ENAH: variants seen among roughly 807,000 people sequenced by gnomAD.
ENAH encodes ENAH actin regulator.
Under a neutral mutation model 78.7 loss-of-function variants are expected in ENAH, and 23 were observed. That is an observed-to-expected ratio of 0.29 (90% CI 0.21 to 0.41). The LOEUF (loss-of-function observed/expected upper bound fraction) is 0.41, where lower values mean the gene tolerates loss of function less well. Ranked by LOEUF, ENAH falls within the 10% of genes least tolerant of loss-of-function variation. The pLI, the probability that ENAH is intolerant of heterozygous loss-of-function variation, is 1.00. For synonymous variants in ENAH, 226 were observed against 241.0 expected, an observed-to-expected ratio of 0.94 and a Z score of 0.58; for missense variants, 544 against 691.0, an observed-to-expected ratio of 0.79 and a Z score of 2.39.
chr1:225,506,308 C>T (rs948748060), intron 11 of ENAH, among the ~76,000 whole-genome samples: 31 of 152,202 alleles, frequency 2.0e-4, no homozygotes, highest in African/African-American at 7.2e-4. Flanking sequence ...GTGTCTCAGC[C>T]TCCCAAGTAG....
chr1:225,514,915 T>C lies in ENAH; in HGVS notation c.914-15A>G. 1 of 1,602,910 alleles carries C rather than the reference T, an allele frequency of 6.2e-7. No individual in the cohort carries two copies. Among genetic ancestry groups the C allele is most frequent in the Non-Finnish European group, 8.5e-7 (1 of 1,173,456 alleles). On this transcript the variant is annotated splice_polypyrimidine_tract_variant and intron_variant, in intron 6 of 13. Coordinates refer to ENST00000366843, the MANE Select transcript of ENAH (RefSeq NM_018212.6). Reference sequence around the variant, plus strand: ...CAAGACAATGCCTGAGAGAGAGAAATGTTAAGTAAGACCATCAACAATAGA... The same window carrying C: ...CAAGACAATGCCTGAGAGAGAGAAACGTTAAGTAAGACCATCAACAATAGA...
At position 225,497,652 on chromosome 1, in the gene ENAH, T is replaced by C. The variant is rs571009314; in HGVS notation, c.*123A>G. 4.6e-5 allele frequency: 43 copies of C among 941,336 alleles called. No homozygotes were observed. Among genetic ancestry groups the C allele is most frequent in the Non-Finnish European group, 6.7e-5 (43 of 640,924 alleles). The allele number at this position is 941,336 out of a possible 1,614,324, so 58.3% of individuals were successfully genotyped here. A position where few individuals can be genotyped will look rare whatever the true frequency, so the allele number is the denominator to read the frequency against. ...TCAGAGTAGGTTGGTTTTTCCCTCCTTCTGTTTGTCTCCATTTTCTTCTTA... is the reference window on the plus strand; with the variant it reads ...TCAGAGTAGGTTGGTTTTTCCCTCCCTCTGTTTGTCTCCATTTTCTTCTTA... On this transcript the variant is annotated 3_prime_UTR_variant, in exon 14 of 14. Coordinates refer to ENST00000366843, the MANE Select transcript of ENAH (RefSeq NM_018212.6).
rs115241813 is a variant in ENAH, at chr1:225,590,999, T to A, written c.6-23585A>T. Reference sequence around the variant, plus strand: ...TACATTTACTTTTCCATTGGCTTCATTGGTCTTATTTTCAGGTGAACTATT... The same window carrying A: ...TACATTTACTTTTCCATTGGCTTCAATGGTCTTATTTTCAGGTGAACTATT... On this transcript the variant is annotated intron_variant, in intron 1 of 13. Transcript: ENST00000366843. 1.9e-3 allele frequency among the ~76,000 whole-genome samples: 292 copies of A among 152,372 alleles called. 1 individual carries two copies. The highest frequency in any genetic ancestry group is 6.7e-3 in the African/African-American group (279 of 41,592).
chr1:225,544,181 C>A (rs1575471554), intron 3 of ENAH, among the ~76,000 whole-genome samples: 2 of 152,338 alleles, frequency 1.3e-5, no homozygotes, highest in South Asian at 4.1e-4. Flanking sequence ...ATGTTCCACA[C>A]AGAGGTATCA....
At chr1:225,503,666 A>AAAAC (rs1459547447) in intron 11 of ENAH, among the ~76,000 whole-genome samples, 1 of 149,882 alleles carries the variant, frequency 6.7e-6, no homozygotes, top group African/African-American at 2.4e-5. Context: ...CTCAAAAAAA[A>AAAAC]AAAAAAAAAA....
intron 3 of ENAH, among the ~76,000 whole-genome samples, chr1:225,541,896 T>G (rs2096590922): frequency 6.6e-6 from 1 of 152,164 alleles, no homozygotes; most frequent in Non-Finnish European, 1.5e-5. Context: ...TTTGTTTTGT[T>G]TTGAGGCAGG....
chr1:225,605,779 A>T (rs1374947574), intron 1 of ENAH, among the ~76,000 whole-genome samples: 1 of 152,176 alleles, frequency 6.6e-6, no homozygotes, highest in Admixed American at 6.5e-5. Context: ...TGGTGCCCTT[A>T]TAAGAAGATT....
At position 225,602,497 on chromosome 1, in the gene ENAH, A is replaced by C. The variant is rs78086508; in HGVS notation, c.6-35083T>G. 3.0e-4 allele frequency among the ~76,000 whole-genome samples: 45 copies of C among 152,306 alleles called. 2 individuals carry two copies. In the East Asian group the frequency reaches 8.5e-3, roughly 29 times the overall value. ...TTGTTAATTATTAAAGGCTAAAAGA[A>C]AAAACTCAGGTGGTTATCTTGATAG... On this transcript the variant is annotated intron_variant, in intron 1 of 13. Transcript: ENST00000366843.
intron 3 of ENAH, among the ~76,000 whole-genome samples, chr1:225,538,904 AG>A: frequency 6.6e-6 from 1 of 152,344 alleles, no homozygotes; most frequent in Admixed American, 6.5e-5. Flanking sequence ...ATGCCTCCAA[AG>A]GCAAGAGTAA....
chr1:225,650,350 T>C (rs1662732705), intron 1 of ENAH, among the ~76,000 whole-genome samples: 1 of 152,192 alleles, frequency 6.6e-6, no homozygotes, highest in Non-Finnish European at 1.5e-5. Flanking sequence ...TCTCTACACT[T>C]CATAAGGAAC....
chr1:225,618,627 A>T lies in ENAH; in HGVS notation c.5+34059T>A, dbSNP rs1001715792. On this transcript the variant is annotated intron_variant, in intron 1 of 13. Coordinates refer to ENST00000366843, the MANE Select transcript of ENAH (RefSeq NM_018212.6). ...CAAATCTATCAAGTGCCTACCTACC[A>T]GTCTTTCTTGTTTTCCTCTGAAATA... Among the ~76,000 whole-genome samples the T allele has an allele frequency of 4.6e-5, 7 of 152,224 alleles. 1 individual carries two copies. Among genetic ancestry groups the T allele is most frequent in the Non-Finnish European group, 1.0e-4 (7 of 68,030 alleles).
At chr1:225,569,448 C>T (rs990883525) in intron 1 of ENAH, among the ~76,000 whole-genome samples, 1 of 152,154 alleles carries the variant, frequency 6.6e-6, no homozygotes, top group Non-Finnish European at 1.5e-5. Context: ...ACGTTGTGCA[C>T]ATGTACCCTA....
In ENAH at chr1:225,652,757, G is replaced by A; in HGVS notation, c.-67C>T. The A allele has an allele frequency of 7.8e-7, 1 of 1,279,238 alleles. No individual in the cohort carries two copies. The highest frequency in any genetic ancestry group is 4.1e-5 in the Admixed American group (1 of 24,388). 79.2% of individuals were successfully genotyped at this position (1,279,238 alleles called of 1,614,324 possible). ...CAGAAGGCGCCGAGCCGAGGGGGGG[G>A]TCTCTCCTCCAGGGGTGGGGAGCAG... On this transcript the variant is annotated 5_prime_UTR_variant, in exon 1 of 14. Coordinates refer to ENST00000366843, the MANE Select transcript of ENAH (RefSeq NM_018212.6).
intron 1 of ENAH, among the ~76,000 whole-genome samples, chr1:225,630,632 C>A (rs903637819): frequency 3.9e-5 from 6 of 152,090 alleles, no homozygotes; most frequent in African/African-American, 1.4e-4. Context: ...AGGCTATTAG[C>A]CATCACCCAT....
intron 7 of ENAH, 105 bp downstream of exon 7, chr1:225,514,491 A>C: frequency 2.1e-6 from 2 of 971,338 alleles, no homozygotes; most frequent in Non-Finnish European, 3.2e-6. Context: ...TTTTAAATCA[A>C]TGAAGTTCAT....
chr1:225,600,754 G>A (rs140750238), intron 1 of ENAH, among the ~76,000 whole-genome samples: 11 of 152,034 alleles, frequency 7.2e-5, no homozygotes, highest in African/African-American at 2.2e-4. Context: ...GCTACTGGGG[G>A]AAATGAGGTG....
chr1:225,567,468 T>G, intron 1 of ENAH, 54 bp from the exon 2 acceptor site: 3 of 1,542,550 alleles, frequency 1.9e-6, no homozygotes, highest in Non-Finnish European at 2.6e-6. Flanking sequence ...ATATGCTAAG[T>G]GTTCCACATA....
At chr1:225,559,237 ATGGGATTC>A (rs1328323662) in intron 2 of ENAH, among the ~76,000 whole-genome samples, 1 of 152,050 alleles carries the variant, frequency 6.6e-6, no homozygotes, top group Non-Finnish European at 1.5e-5. Flanking sequence ...ACCTACACCT[ATGGGATTC>A]TCTATTATCT....
intron 1 of ENAH, among the ~76,000 whole-genome samples, chr1:225,612,503 T>C (rs748962760): frequency 3.9e-5 from 6 of 152,208 alleles, no homozygotes; most frequent in South Asian, 2.1e-4. Flanking sequence ...TGGAAGTAGA[T>C]AGTGGCAATG....
Sources: allele counts gnomAD v4.1 joint callset (sites outside exome capture counted in the v4.1 genomes callset), GRCh38; gene constraint gnomAD v4.1.1; transcripts MANE v1.5; gene names NCBI Gene and HGNC (gene_info 2026-07-23, HGNC 2026-07-21).